Variants in YEATS4 observed in about 807,000 individuals in gnomAD.
YEATS4 encodes the protein YEATS domain containing 4, also known as YEATS domain-containing protein 4.
YEATS4 carries 17 observed loss-of-function variants against 30.1 expected under a neutral mutation model. The observed-to-expected ratio is 0.56, with a 90% CI of 0.39 to 0.85. The LOEUF is 0.85. Ranked by LOEUF, YEATS4 falls within the 40% of genes least tolerant of loss-of-function variation. YEATS4 has a pLI of 0.00. For synonymous variants in YEATS4, 85 were observed against 87.5 expected, an observed-to-expected ratio of 0.97 and a Z score of 0.16; for missense variants, 142 against 268.3, an observed-to-expected ratio of 0.53 and a Z score of 3.29.
chr12:69,412,822 G>A, the YEATS4 span, among the ~76,000 whole-genome samples: 4 of 152,236 alleles, frequency 2.6e-5, no homozygotes, highest in African/African-American at 9.6e-5. Context: ...GGTTATAATA[G>A]GATGACATGG....
chr12:69,370,355 G>T (rs1397922145), intron 4 of YEATS4, among the ~76,000 whole-genome samples: 1 of 152,134 alleles, frequency 6.6e-6, no homozygotes, highest in Non-Finnish European at 1.5e-5. Flanking sequence ...CTTCAAAGCA[G>T]TCACAATTAA....
chr12:69,420,210 T>C, the YEATS4 span, among the ~76,000 whole-genome samples: 5 of 152,202 alleles, frequency 3.3e-5, no homozygotes, highest in Non-Finnish European at 7.3e-5. Flanking sequence ...AGCAATGTTT[T>C]AAAAAGATAA....
chr12:69,407,835 G>GC, the YEATS4 span, among the ~76,000 whole-genome samples: 1 of 142,898 alleles, frequency 7.0e-6, no homozygotes, highest in South Asian at 2.3e-4. Context: ...TCCTGCCTCA[G>GC]CCCCCTGAGT....
At position 69,367,513 on chromosome 12, in the gene YEATS4, C is replaced by A. The variant is rs553932629; in HGVS notation, c.333+1629C>A. 4.6e-5 allele frequency among the ~76,000 whole-genome samples: 7 copies of A among 152,230 alleles called. No individual in the cohort carries two copies. In the East Asian group the frequency reaches 1.3e-3, roughly 29 times the overall value. ...TCCCCAGTAGATGGGACCACAGATG[C>A]ATGCCACCATGCTGAGTTAATTTTT... On this transcript the variant is annotated intron_variant, in intron 4 of 6. Transcript: ENST00000247843.
intron 1 of YEATS4, among the ~76,000 whole-genome samples, chr12:69,361,722 A>G (rs923477505): frequency 6.6e-6 from 1 of 152,228 alleles, no homozygotes; most frequent in Non-Finnish European, 1.5e-5. Context: ...GCAACATTCA[A>G]TATTTTCACT....
the YEATS4 span, among the ~76,000 whole-genome samples, chr12:69,418,479 G>A: frequency 2.0e-5 from 3 of 152,044 alleles, no homozygotes; most frequent in Non-Finnish European, 4.4e-5. Context: ...TTGGTTTTCT[G>A]ATCTGCACCA....
chr12:69,395,616 ATG>A (rs766235048), downstream of YEATS4, among the ~76,000 whole-genome samples: 29 of 152,366 alleles, frequency 1.9e-4, no homozygotes, highest in Middle Eastern at 3.4e-3. Context: ...AAAAATAAGA[ATG>A]TATTTCATTT....
At chr12:69,383,131 G>A (rs1876142515) in intron 6 of YEATS4, among the ~76,000 whole-genome samples, 2 of 152,256 alleles carry the variant, frequency 1.3e-5, no homozygotes, top group Non-Finnish European at 2.9e-5. Flanking sequence ...GGGTGTGGTG[G>A]CACATTCCTG....
the YEATS4 span, among the ~76,000 whole-genome samples, chr12:69,417,761 A>G: frequency 2.6e-5 from 4 of 151,424 alleles, no homozygotes; most frequent in African/African-American, 9.7e-5. Flanking sequence ...TACTGCAGAA[A>G]TGGTCCCTTT....
rs1868303916 is a variant in YEATS4 at position 69,390,417 on chromosome 12, A to G, written c.*101A>G. 1.9e-6 allele frequency: 2 copies of G among 1,066,054 alleles called. No homozygotes were observed. Among genetic ancestry groups the G allele is most frequent in the Non-Finnish European group, 2.6e-6 (2 of 768,062 alleles). 66.0% of individuals were successfully genotyped at this position (1,066,054 alleles called of 1,614,324 possible). On this transcript the variant is annotated 3_prime_UTR_variant, in exon 7 of 7. Coordinates refer to ENST00000247843, the MANE Select transcript of YEATS4 (RefSeq NM_006530.4). ...AAATGCTGTGATGTTTCTTAGAGGA[A>G]CTTCATATACAGCTGTTGACCATGA...
In YEATS4 at chr12:69,370,990, T is replaced by A; in HGVS notation, c.514+15T>A. The A allele has an allele frequency of 6.3e-7, 1 of 1,598,062 alleles. No individual in the cohort carries two copies. The highest frequency in any genetic ancestry group is 8.5e-7 in the Non-Finnish European group (1 of 1,173,234). On this transcript the variant is annotated intron_variant, in intron 6 of 6. Coordinates refer to ENST00000247843, the MANE Select transcript of YEATS4 (RefSeq NM_006530.4). ...TGAAACAGAATGTAAGTGCCATGCA[T>A]TCATAATTCTGAAAAATAACGTATT...
At chr12:69,403,570 C>G in the YEATS4 span, among the ~76,000 whole-genome samples, 1 of 141,348 alleles carries the variant, frequency 7.1e-6, no homozygotes, top group African/African-American at 2.7e-5. Context: ...GAGCAAGACT[C>G]TGTCTCAAAA....
chr12:69,397,055 G>T, the YEATS4 span, among the ~76,000 whole-genome samples: 1 of 152,116 alleles, frequency 6.6e-6, no homozygotes, highest in African/African-American at 2.4e-5. Flanking sequence ...GAATAAAGAA[G>T]ATAATAATGC....
intron 6 of YEATS4, among the ~76,000 whole-genome samples, chr12:69,385,800 C>G (rs1023072978): frequency 6.6e-6 from 1 of 152,184 alleles, no homozygotes; most frequent in Non-Finnish European, 1.5e-5. Flanking sequence ...ACCTGACAAG[C>G]ACTTTCCATT....
At chr12:69,414,521 A>G in the YEATS4 span, among the ~76,000 whole-genome samples, 2 of 152,220 alleles carry the variant, frequency 1.3e-5, no homozygotes, top group Non-Finnish European at 2.9e-5. Context: ...ATGAGCCACC[A>G]TGCCCGAAGA....
chr12:69,417,589 A>C, the YEATS4 span, among the ~76,000 whole-genome samples: 48,982 of 151,918 alleles, frequency 0.32, 8,170 homozygotes, highest in East Asian at 0.57. Context: ...CTCTACAGAA[A>C]TCGGTTACAG....
At chr12:69,376,612 G>A (rs536766355) in intron 6 of YEATS4, among the ~76,000 whole-genome samples, 53 of 152,294 alleles carry the variant, frequency 3.5e-4, no homozygotes, top group South Asian at 1.0e-3. Context: ...CTTTTTGCTA[G>A]TGTTTTGTTA....
the YEATS4 span, among the ~76,000 whole-genome samples, chr12:69,407,676 G>A: frequency 2.4e-5 from 3 of 126,764 alleles, no homozygotes; most frequent in African/African-American, 6.1e-5. Flanking sequence ...GTCCAGTAGT[G>A]TATTCTAAGT....
chr12:69,375,159 G>A (rs529131309), intron 6 of YEATS4, among the ~76,000 whole-genome samples: 5 of 150,142 alleles, frequency 3.3e-5, no homozygotes, highest in African/African-American at 4.9e-5. Flanking sequence ...GGAGGCTGCC[G>A]GGCGTAGGGG....
Sources: gnomAD v4.1 joint callset for allele counts (sites outside exome capture counted in the v4.1 genomes callset) on GRCh38, gnomAD v4.1.1 for gene constraint, MANE v1.5 for transcripts, NCBI Gene and HGNC (gene_info 2026-07-23, HGNC 2026-07-21) for gene names.